HPSE2: variants seen among roughly 807,000 people sequenced by gnomAD.
HPSE2 encodes the protein heparanase 2 (inactive), also known as inactive heparanase-2.
A neutral mutation model predicts 60.5 loss-of-function variants in HPSE2; 38 were observed. That is an observed-to-expected ratio of 0.63 (90% CI 0.48 to 0.82). HPSE2 has a LOEUF of 0.82. HPSE2 is among the 40% of genes least tolerant of loss of function. The pLI is 0.00. For synonymous variants in HPSE2, 295 were observed against 293.2 expected (o/e 1.01, Z -0.06); for missense variants, 713 against 740.4 (o/e 0.96, Z 0.43).
the HPSE2 span, among the ~76,000 whole-genome samples, chr10:99,293,300 C>A: frequency 7.2e-5 from 11 of 152,052 alleles, no homozygotes; most frequent in African/African-American, 2.7e-4. Context: ...TAAGTTAGAA[C>A]TGAGAAACAT....
chr10:98,885,749 T>C (rs918939051), intron 3 of HPSE2, among the ~76,000 whole-genome samples: 2 of 152,116 alleles, frequency 1.3e-5, no homozygotes, highest in South Asian at 2.1e-4. Flanking sequence ...TAATACACTA[T>C]AGTACAGTAT....
intron 3 of HPSE2, among the ~76,000 whole-genome samples, chr10:98,847,789 A>G (rs1463916867): frequency 6.6e-6 from 1 of 152,212 alleles, no homozygotes; most frequent in East Asian, 1.9e-4. Flanking sequence ...GTATCAGAAC[A>G]AATGGTCTGT....
the HPSE2 span, among the ~76,000 whole-genome samples, chr10:99,264,126 C>T: frequency 6.8e-6 from 1 of 147,746 alleles, no homozygotes; most frequent in Admixed American, 6.8e-5. Flanking sequence ...CTCACTCTGT[C>T]GCCCAGGCTG....
chr10:99,027,135 T>C (rs887533890), intron 3 of HPSE2, among the ~76,000 whole-genome samples: 2 of 151,292 alleles, frequency 1.3e-5, no homozygotes. Flanking sequence ...CAGAAATAAA[T>C]GAAATTGAAA....
chr10:98,493,756 GT>G (rs1941737478), intron 9 of HPSE2, among the ~76,000 whole-genome samples: 1 of 152,250 alleles, frequency 6.6e-6, no homozygotes, highest in South Asian at 2.1e-4. Flanking sequence ...GCCAACCTCT[GT>G]CTTTTGACTG....
At chr10:99,285,802 A>C in the HPSE2 span, among the ~76,000 whole-genome samples, 1 of 151,934 alleles carries the variant, frequency 6.6e-6, no homozygotes, top group African/African-American at 2.4e-5. Context: ...GCACATGCCT[A>C]TAATCCCAGC....
chr10:98,620,266 A>G (rs1206476851), intron 8 of HPSE2, among the ~76,000 whole-genome samples: 4 of 152,154 alleles, frequency 2.6e-5, no homozygotes, highest in Non-Finnish European at 5.9e-5. Flanking sequence ...ATTGTTACCT[A>G]TCTCCCAAGA....
chr10:99,166,056 T>C (rs1847068562), intron 2 of HPSE2, among the ~76,000 whole-genome samples: 4 of 152,250 alleles, frequency 2.6e-5, no homozygotes, highest in South Asian at 2.1e-4. Context: ...AATGGAATTA[T>C]ACAATATGTA....
chr10:99,237,023 T>C (rs1849874619), upstream of HPSE2, among the ~76,000 whole-genome samples: 1 of 152,032 alleles, frequency 6.6e-6, no homozygotes, highest in Admixed American at 6.6e-5. Context: ...CACATAGCCC[T>C]GGATGGGGAA....
At chr10:99,125,667 C>T (rs1456336800) in intron 3 of HPSE2, among the ~76,000 whole-genome samples, 2 of 152,214 alleles carry the variant, frequency 1.3e-5, no homozygotes, top group African/African-American at 2.4e-5. Context: ...AGGGGGAAAA[C>T]ATGCCTCTGA....
chr10:98,514,883 TA>T (rs1942546495), intron 9 of HPSE2, among the ~76,000 whole-genome samples: 1 of 151,484 alleles, frequency 6.6e-6, no homozygotes, highest in African/African-American at 2.4e-5. Context: ...CACACCCGGC[TA>T]TTTTTTTTTT....
At chr10:98,556,061 TTTATTATTA>T (rs201010720) in intron 9 of HPSE2, among the ~76,000 whole-genome samples, 2 of 152,014 alleles carry the variant, frequency 1.3e-5, no homozygotes, top group Non-Finnish European at 2.9e-5. Flanking sequence ...AACTCCGACT[TTTATTATTA>T]TTATTATTAA....
rs1229318367 is a variant in HPSE2 at position 99,149,263 on chromosome 10, A to C, written c.449-4864T>G. On this transcript the variant is annotated intron_variant, in intron 2 of 11. Transcript: ENST00000370552. ...AAAAGGACTACTTCATGAAGGAGTAAGTTTCCCATCCCTGGAGATATTCAA... is the reference window on the plus strand; with the variant it reads ...AAAAGGACTACTTCATGAAGGAGTACGTTTCCCATCCCTGGAGATATTCAA... Among the ~76,000 whole-genome samples the C allele has an allele frequency of 4.6e-5, 7 of 152,182 alleles. No individual in the cohort carries two copies. In the East Asian group the frequency reaches 1.3e-3, roughly 29 times the overall value.
intron 3 of HPSE2, among the ~76,000 whole-genome samples, chr10:98,924,325 C>G (rs1050213631): frequency 2.6e-5 from 4 of 152,212 alleles, no homozygotes; most frequent in Admixed American, 1.3e-4. Context: ...AGACCCAAAG[C>G]CAGCACAGCA....
chr10:99,265,524 C>T, the HPSE2 span, among the ~76,000 whole-genome samples: 5 of 152,320 alleles, frequency 3.3e-5, no homozygotes, highest in Middle Eastern at 3.4e-3. Flanking sequence ...TGCAGCAAAC[C>T]ACCATGGCAC....
chr10:99,282,188 G>A, the HPSE2 span, among the ~76,000 whole-genome samples: 671 of 152,196 alleles, frequency 4.4e-3, 5 homozygotes, highest in Non-Finnish European at 7.3e-3. Flanking sequence ...GAACCTGGGA[G>A]GGGGAGCTTG....
intron 9 of HPSE2, among the ~76,000 whole-genome samples, chr10:98,521,317 G>T (rs2133773608): frequency 6.6e-6 from 1 of 152,254 alleles, no homozygotes; most frequent in East Asian, 1.9e-4. Context: ...TCAAAAAGTG[G>T]GCAAAGGATA....
At chr10:99,180,614 G>A (rs1466779200) in intron 2 of HPSE2, among the ~76,000 whole-genome samples, 2 of 152,208 alleles carry the variant, frequency 1.3e-5, no homozygotes, top group African/African-American at 4.8e-5. Flanking sequence ...GCTAGGCACG[G>A]TGGCTCATGC....
intron 3 of HPSE2, among the ~76,000 whole-genome samples, chr10:99,021,524 C>T (rs183443933): frequency 1.3e-5 from 2 of 151,706 alleles, no homozygotes; most frequent in East Asian, 1.9e-4. Flanking sequence ...TAGAGCGTCT[C>T]GCTAAGGGTC....
Sources: gnomAD v4.1 joint callset for allele counts (sites outside exome capture counted in the v4.1 genomes callset) on GRCh38, gnomAD v4.1.1 for gene constraint, MANE v1.5 for transcripts, NCBI Gene and HGNC (gene_info 2026-07-23, HGNC 2026-07-21) for gene names.